Variants in PRKD3 observed in about 807,000 individuals in gnomAD.
The protein encoded by PRKD3 is protein kinase D3.
PRKD3 carries 47 observed loss-of-function variants against 99.2 expected under a neutral mutation model. That is an observed-to-expected ratio of 0.47 (90% CI 0.38 to 0.60). The LOEUF (loss-of-function observed/expected upper bound fraction) is 0.60, where lower values mean the gene tolerates loss of function less well. Ranked by LOEUF, PRKD3 falls within the 20% of genes least tolerant of loss-of-function variation. The pLI is 0.00. For missense variants in PRKD3, 1,019 were observed against 1,088.4 expected (o/e 0.94, Z 0.90); for synonymous variants, 392 against 355.4 (o/e 1.10, Z -1.16).
intron 7 of PRKD3, among the ~76,000 whole-genome samples, chr2:37,280,491 A>G (rs1410655848): frequency 1.3e-5 from 2 of 152,224 alleles, no homozygotes; most frequent in African/African-American, 4.8e-5. Flanking sequence ...TGGTCAACTG[A>G]TTTTTGACAA....
At chr2:37,302,338 T>C (rs1395899437) in intron 2 of PRKD3, among the ~76,000 whole-genome samples, 1 of 152,246 alleles carries the variant, frequency 6.6e-6, no homozygotes, top group African/African-American at 2.4e-5. Context: ...CATATGGGAA[T>C]GCAACAGAAT....
chr2:37,251,705 C>G lies in PRKD3; in HGVS notation c.*1472G>C, dbSNP rs902763077. The G allele has an allele frequency of 6.6e-6, 1 of 151,604 alleles. No individual in the cohort carries two copies. The highest frequency in any genetic ancestry group is 2.4e-5 in the African/African-American group (1 of 41,274). The allele number at this position is 151,604 out of a possible 1,614,324, so 9.4% of individuals were successfully genotyped here. ...TTTATTTGACTGCATTCATACATAT[C>G]TGATCTTCACGACAACACTGTGACA... On this transcript the variant is annotated 3_prime_UTR_variant, in exon 19 of 19. Transcript: ENST00000234179.
chr2:37,308,482 T>C (rs139351562), intron 2 of PRKD3, among the ~76,000 whole-genome samples: 3,465 of 151,680 alleles, frequency 0.023, 127 homozygotes, highest in African/African-American at 0.079. Context: ...TGCAGTGAAG[T>C]GGCGCAATCT....
At chr2:37,287,221 A>G (rs1351593232) in intron 5 of PRKD3, among the ~76,000 whole-genome samples, 2 of 120,610 alleles carry the variant, frequency 1.7e-5, no homozygotes, top group Non-Finnish European at 3.3e-5. Context: ...CAAGAGCGAA[A>G]CTCCATCTCA....
intron 8 of PRKD3, 23 bp downstream of exon 8, chr2:37,279,723 C>G (rs370562466): frequency 1.3e-6 from 2 of 1,559,968 alleles, no homozygotes; most frequent in African/African-American, 2.8e-5. Flanking sequence ...CTGGAAGTAG[C>G]TTGTAATATG....
chr2:37,300,038 G>T (rs760950013), intron 2 of PRKD3, among the ~76,000 whole-genome samples: 3 of 152,098 alleles, frequency 2.0e-5, no homozygotes, highest in Non-Finnish European at 4.4e-5. Flanking sequence ...CTACCCGAAA[G>T]AAACCAAGAT....
intron 5 of PRKD3, among the ~76,000 whole-genome samples, chr2:37,288,032 T>TAA (rs1670206198): frequency 6.6e-6 from 1 of 152,204 alleles, no homozygotes; most frequent in Admixed American, 6.5e-5. Flanking sequence ...CTGCACTTCT[T>TAA]ATACTTCCCT....
chr2:37,316,778 T>C lies in PRKD3; in HGVS notation c.-254A>G. On this transcript the variant is annotated 5_prime_UTR_variant, in exon 2 of 19. Transcript: ENST00000234179. The stretch of plus-strand genomic sequence containing the variant: ...TGTCTGTAGGAAGACAACCAGGGAT[T>C]TGTAAAGGATTTAACATCACTGAGC... 7.6e-7 allele frequency: 1 copy of C among 1,322,580 alleles called. No individual in the cohort carries two copies. The allele number at this position is 1,322,580 out of a possible 1,614,324, so 81.9% of individuals were successfully genotyped here.
intron 5 of PRKD3, among the ~76,000 whole-genome samples, chr2:37,288,879 C>T (rs1670246124): frequency 6.6e-6 from 1 of 151,982 alleles, no homozygotes; most frequent in South Asian, 2.1e-4. Flanking sequence ...CATGGTGAAA[C>T]CTCATCTCTA....
chr2:37,298,892 C>T (rs1670788412), intron 2 of PRKD3, among the ~76,000 whole-genome samples: 1 of 152,178 alleles, frequency 6.6e-6, no homozygotes, highest in Admixed American at 6.5e-5. Flanking sequence ...TGACATCTTC[C>T]TTTCCAATTT....
intron 14 of PRKD3, among the ~76,000 whole-genome samples, chr2:37,266,735 G>A (rs901677168): frequency 3.3e-5 from 5 of 152,026 alleles, no homozygotes; most frequent in South Asian, 2.1e-4. Context: ...TGATCCACCC[G>A]CCTTGGCCTC....
At position 37,272,433 on chromosome 2, in the gene PRKD3, C is replaced by A. The variant is rs778311136; in HGVS notation, c.1652-1G>T. On this transcript the variant is annotated splice_acceptor_variant, in intron 11 of 18. Transcript: ENST00000234179. LOFTEE classifies it high-confidence loss of function. ...ACAGAGATACTTGTAGACAAATCTT[C>A]TGTAAAATATAAAAAAGACAAAATT... The A allele has an allele frequency of 1.2e-6, 2 of 1,600,662 alleles. No individual in the cohort carries two copies. Among genetic ancestry groups the A allele is most frequent in the Non-Finnish European group, 1.7e-6 (2 of 1,176,068 alleles).
In PRKD3 at chr2:37,250,867, T is replaced by G. The variant is rs1478152365; in HGVS notation, c.*2310A>C. The stretch of plus-strand genomic sequence containing the variant: ...AATTACTTCTTTTACAAACACGACT[T>G]AAAGACAAAAAGTTATGCAGGTTAT... On this transcript the variant is annotated 3_prime_UTR_variant, in exon 19 of 19. Transcript: ENST00000234179. 2 of 152,620 alleles carry G rather than the reference T, an allele frequency of 1.3e-5. No individual in the cohort carries two copies. Among genetic ancestry groups the G allele is most frequent in the African/African-American group, 4.8e-5 (2 of 41,450 alleles). The allele number at this position is 152,620 out of a possible 1,614,324, so 9.5% of individuals were successfully genotyped here.
chr2:37,270,154 G>C (rs1055183777), intron 12 of PRKD3, among the ~76,000 whole-genome samples: 1 of 152,004 alleles, frequency 6.6e-6, no homozygotes, highest in African/African-American at 2.4e-5. Context: ...TTGAACCCAG[G>C]AGGCAGAGGT....
At chr2:37,269,380 G>C (rs2148523585) in intron 13 of PRKD3, 1 of 509,064 alleles carries the variant, frequency 2.0e-6, no homozygotes, top group South Asian at 2.3e-5. Context: ...GCTACAAGAA[G>C]AGATAAAACA....
At chr2:37,257,666 CAAAAGAAAAA>C (rs1471745708) in intron 16 of PRKD3, among the ~76,000 whole-genome samples, 16 of 62,400 alleles carry the variant, frequency 2.6e-4, no homozygotes, top group African/African-American at 5.0e-4. Flanking sequence ...GACTCTGTCT[CAAAAGAAAAA>C]AAAAAAAAAA....
chr2:37,257,338 A>G (rs893933190), intron 16 of PRKD3, among the ~76,000 whole-genome samples: 2 of 152,120 alleles, frequency 1.3e-5, no homozygotes, highest in Non-Finnish European at 2.9e-5. Context: ...GCCTGGACAC[A>G]TAAAGGTACT....
intron 2 of PRKD3, among the ~76,000 whole-genome samples, chr2:37,294,030 T>G (rs762289698): frequency 6.6e-6 from 1 of 152,244 alleles, no homozygotes; most frequent in Non-Finnish European, 1.5e-5. Flanking sequence ...AACACTAACC[T>G]AGTTTCATCT....
At position 37,289,461 on chromosome 2, in the gene PRKD3, A is replaced by G. The variant is rs1670286216; in HGVS notation, c.612T>C (p.Cys204=). ...KRCAFKIPNN[C]SGVRKRRLSN... ...ACAGACGTCTCTTTCTTACTCCACT[A>G]CAGTTATTTGGAATCTTGAAGGCAC... is the stretch of plus-strand genomic sequence containing the variant. The change falls in exon 5 of 19, where the codon TGT becomes TGC. Residue 204 remains cysteine, a synonymous_variant. Transcript: ENST00000234179. 2 of 1,613,772 alleles carry G rather than the reference A, an allele frequency of 1.2e-6. No individual in the cohort carries two copies. Among genetic ancestry groups the G allele is most frequent in the Non-Finnish European group, 1.7e-6 (2 of 1,179,730 alleles).
Sources: gnomAD v4.1 joint callset for allele counts (sites outside exome capture counted in the v4.1 genomes callset) on GRCh38, gnomAD v4.1.1 for gene constraint, MANE v1.5 for transcripts, NCBI Gene and HGNC (gene_info 2026-07-23, HGNC 2026-07-21) for gene names.